Variants in TTLL5 observed in about 807,000 individuals in gnomAD.
TTLL5 encodes tubulin polyglutamylase TTLL5.
TTLL5 carries 132 observed loss-of-function variants against 168.4 expected under a neutral mutation model. That is an observed-to-expected ratio of 0.78 (90% confidence interval 0.68 to 0.91). The LOEUF is 0.91. Ranked by LOEUF, TTLL5 falls within the 40% of genes least tolerant of loss-of-function variation. The pLI is 0.00. For missense variants in TTLL5, 1,545 were observed against 1,581.5 expected, an observed-to-expected ratio of 0.98 and a Z score of 0.39; for synonymous variants, 546 against 558.6, an observed-to-expected ratio of 0.98 and a Z score of 0.32.
At chr14:75,854,913 A>G (rs762292646) in intron 28 of TTLL5, among the ~76,000 whole-genome samples, 6 of 152,178 alleles carry the variant, frequency 3.9e-5, no homozygotes, top group African/African-American at 9.7e-5. Flanking sequence ...CCTTTGTCAC[A>G]TATACATACC....
chr14:75,954,724 C>T lies in TTLL5; in HGVS notation c.*278C>T, dbSNP rs988113041. On this transcript the variant is annotated 3_prime_UTR_variant, in exon 32 of 32. Transcript: ENST00000298832. ...ATACCCCGTCAGAGCACACTTGTAT[C>T]TTTTACCTTCCCTTTGCCCCATGCC... is the stretch of plus-strand genomic sequence containing the variant. The T allele has an allele frequency of 3.9e-5, 19 of 489,268 alleles. No homozygotes were observed. The highest frequency in any genetic ancestry group is 1.1e-4 in the African/African-American group (6 of 52,344). 30.3% of individuals were successfully genotyped at this position (489,268 alleles called of 1,614,324 possible).
chr14:75,766,005 G>T, intron 19 of TTLL5, 57 bp from the exon 20 acceptor site: 1 of 1,483,234 alleles, frequency 6.7e-7, no homozygotes, highest in South Asian at 1.3e-5. Context: ...GGAAGGTATT[G>T]GGAGAGAGGA....
At chr14:75,814,083 A>G (rs1035024485) in intron 27 of TTLL5, among the ~76,000 whole-genome samples, 42 of 152,228 alleles carry the variant, frequency 2.8e-4, no homozygotes, top group African/African-American at 9.4e-4. Flanking sequence ...AGCCACCTAC[A>G]TGATATTTCA....
chr14:75,879,677 C>T (rs2031695686), intron 29 of TTLL5, among the ~76,000 whole-genome samples: 1 of 152,160 alleles, frequency 6.6e-6, no homozygotes, highest in African/African-American at 2.4e-5. Context: ...GAAAAGATCA[C>T]CCACTTTGTA....
intron 29 of TTLL5, among the ~76,000 whole-genome samples, chr14:75,865,499 C>T (rs778454944): frequency 6.6e-6 from 1 of 152,004 alleles, no homozygotes; most frequent in Non-Finnish European, 1.5e-5. Flanking sequence ...CATAACAAAC[C>T]TGAGCATGCA....
chr14:75,729,264 G>T (rs1235782953), intron 12 of TTLL5, among the ~76,000 whole-genome samples: 3 of 152,168 alleles, frequency 2.0e-5, no homozygotes, highest in Non-Finnish European at 4.4e-5. Context: ...AGCCCAGCTA[G>T]CTTGCACCCA....
At chr14:75,888,013 A>G (rs1392461795) in intron 30 of TTLL5, among the ~76,000 whole-genome samples, 1 of 152,198 alleles carries the variant, frequency 6.6e-6, no homozygotes, top group Non-Finnish European at 1.5e-5. Context: ...AGGAAATGAA[A>G]GGGAAACCTG....
intron 26 of TTLL5, among the ~76,000 whole-genome samples, chr14:75,791,413 G>A (rs190195224): frequency 8.9e-4 from 135 of 152,254 alleles, no homozygotes; most frequent in Admixed American, 3.3e-3. Flanking sequence ...TCTTGGAAGA[G>A]TAGAGTTGAA....
intron 3 of TTLL5, among the ~76,000 whole-genome samples, chr14:75,679,868 A>G (rs1195683877): frequency 6.6e-6 from 1 of 152,238 alleles, no homozygotes; most frequent in Non-Finnish European, 1.5e-5. Flanking sequence ...ACAAGAATGA[A>G]AAGGACGAAG....
At chr14:75,885,300 C>T (rs1201002420) in intron 30 of TTLL5, among the ~76,000 whole-genome samples, 2 of 152,144 alleles carry the variant, frequency 1.3e-5, no homozygotes, top group African/African-American at 4.8e-5. Flanking sequence ...ACCATCCTAA[C>T]TAACATGGTG....
At chr14:75,770,206 T>C (rs901292047) in intron 20 of TTLL5, among the ~76,000 whole-genome samples, 2 of 121,526 alleles carry the variant, frequency 1.6e-5, no homozygotes, top group Non-Finnish European at 3.5e-5. Context: ...AAAGAAAATA[T>C]AAGTGTATTA....
At chr14:75,754,970 A>C (rs544978378) in intron 18 of TTLL5, among the ~76,000 whole-genome samples, 104 of 152,252 alleles carry the variant, frequency 6.8e-4, no homozygotes, top group African/African-American at 2.5e-3. Context: ...TTTGATTAAA[A>C]AAAACATAAT....
chr14:75,824,138 TGTTA>T, intron 28 of TTLL5, among the ~76,000 whole-genome samples: 1 of 152,310 alleles, frequency 6.6e-6, no homozygotes, highest in African/African-American at 2.4e-5. Flanking sequence ...TCAGGCATTG[TGTTA>T]GTTGCTGGGG....
intron 27 of TTLL5, among the ~76,000 whole-genome samples, chr14:75,802,262 A>G (rs1394449444): frequency 6.6e-6 from 1 of 151,992 alleles, no homozygotes; most frequent in African/African-American, 2.4e-5. Flanking sequence ...CTTGAGTTAA[A>G]TGCTTCATTT....
intron 31 of TTLL5, among the ~76,000 whole-genome samples, chr14:75,943,217 G>A (rs957431296): frequency 6.6e-6 from 1 of 152,138 alleles, no homozygotes; most frequent in Non-Finnish European, 1.5e-5. Flanking sequence ...TCACCAGGCA[G>A]GAGTTAGGAT....
intron 28 of TTLL5, among the ~76,000 whole-genome samples, chr14:75,826,923 A>AAAGGTCTCATCCT (rs2307515): frequency 1.3e-5 from 2 of 151,988 alleles, no homozygotes; most frequent in Non-Finnish European, 2.9e-5. Flanking sequence ...TCCTTTAACT[A>AAAGGTCTCATCCT]ACCCACCTGC....
intron 12 of TTLL5, among the ~76,000 whole-genome samples, chr14:75,729,574 C>T (rs1019289471): frequency 1.3e-5 from 2 of 152,164 alleles, no homozygotes; most frequent in Non-Finnish European, 2.9e-5. Context: ...CCCCATTCCC[C>T]CCACCAATGC....
chr14:75,853,991 G>A (rs565517374), intron 28 of TTLL5, among the ~76,000 whole-genome samples: 107 of 152,094 alleles, frequency 7.0e-4, no homozygotes, highest in African/African-American at 2.3e-3. Flanking sequence ...TGCAGTGAGC[G>A]GAGACCATGC....
At chr14:75,821,676 T>C (rs1894837530) in intron 28 of TTLL5, among the ~76,000 whole-genome samples, 1 of 152,120 alleles carries the variant, frequency 6.6e-6, no homozygotes, top group Admixed American at 6.6e-5. Context: ...GTAGCGCCTG[T>C]TAGTAGTGAG....
Sources: gnomAD v4.1 joint callset for allele counts (sites outside exome capture counted in the v4.1 genomes callset) on GRCh38, gnomAD v4.1.1 for gene constraint, MANE v1.5 for transcripts, NCBI Gene and HGNC (gene_info 2026-07-23, HGNC 2026-07-21) for gene names.